Variants in DDX46 observed in about 807,000 individuals in gnomAD.
DDX46 encodes the protein probable ATP-dependent RNA helicase DDX46.
Under a neutral mutation model 134.9 loss-of-function variants are expected in DDX46, and 30 were observed. That is an observed-to-expected ratio of 0.22 (90% CI 0.17 to 0.30). DDX46 has a LOEUF of 0.30. Ranked by LOEUF, DDX46 falls within the 10% of genes least tolerant of loss-of-function variation. The pLI is 1.00. For missense variants in DDX46, 622 were observed against 1,248.7 expected, an observed-to-expected ratio of 0.50 and a Z score of 7.56; for synonymous variants, 415 against 404.1, an observed-to-expected ratio of 1.03 and a Z score of -0.32.
At chr5:134,772,899 CGAA>C (rs1460698672) in intron 4 of DDX46, among the ~76,000 whole-genome samples, 2 of 152,020 alleles carry the variant, frequency 1.3e-5, no homozygotes, top group Non-Finnish European at 2.9e-5. Flanking sequence ...CCTCCTGAGT[CGAA>C]GCAATTCTCC....
At chr5:134,797,626 G>C (rs559685484) in intron 15 of DDX46, among the ~76,000 whole-genome samples, 25 of 152,282 alleles carry the variant, frequency 1.6e-4, no homozygotes, top group African/African-American at 5.1e-4. Context: ...CACTGGCCCA[G>C]ATTCAAGGGG....
At chr5:134,813,320 T>G (rs1296182791) in intron 18 of DDX46, among the ~76,000 whole-genome samples, 1 of 152,240 alleles carries the variant, frequency 6.6e-6, no homozygotes, top group East Asian at 1.9e-4. Flanking sequence ...ACACTTATTA[T>G]CACATAGTTC....
intron 5 of DDX46, 73 bp from the exon 6 acceptor site, chr5:134,777,501 T>G (rs1580783138): frequency 2.0e-6 from 3 of 1,537,024 alleles, no homozygotes; most frequent in Non-Finnish European, 2.6e-6. Flanking sequence ...GTTAGAGAGG[T>G]GGGGTGTGGT....
At chr5:134,816,717 G>A (rs930784952) in intron 19 of DDX46, 111 bp downstream of exon 19, 1 of 1,102,482 alleles carries the variant, frequency 9.1e-7, no homozygotes, top group Non-Finnish European at 1.3e-6. Flanking sequence ...CATTGAGTTT[G>A]TGAGAATTTA....
At chr5:134,800,411 T>A (rs557009906) in intron 15 of DDX46, among the ~76,000 whole-genome samples, 137 of 152,336 alleles carry the variant, frequency 9.0e-4, no homozygotes, top group African/African-American at 3.2e-3. Flanking sequence ...TATCAGTAGT[T>A]CTTCCCCTTT....
chr5:134,788,433 A>G, intron 11 of DDX46, 80 bp from the exon 12 acceptor site: 1 of 1,173,510 alleles, frequency 8.5e-7, no homozygotes, highest in Non-Finnish European at 1.2e-6. Flanking sequence ...TAATTAGACT[A>G]GGCAAGAACT....
chr5:134,766,233 T>C (rs1242750179), intron 2 of DDX46, among the ~76,000 whole-genome samples: 2 of 152,162 alleles, frequency 1.3e-5, no homozygotes, highest in Admixed American at 6.6e-5. Context: ...TACAGACTTA[T>C]TATGGTTTTT....
chr5:134,817,580 C>A lies in DDX46; in HGVS notation c.2698C>A (p.Gln900Lys). 1 of 1,614,134 alleles carries A rather than the reference C, an allele frequency of 6.2e-7. No homozygotes were observed. The highest frequency in any genetic ancestry group is 8.5e-7 in the Non-Finnish European group (1 of 1,180,032). Residue 900 changes from glutamine (Q) to lysine (K), a missense_variant, in exon 20 of 23, where the codon CAA becomes AAA. By Grantham distance (53) the Gln-to-Lys change is moderately conservative. Coordinates refer to ENST00000452510, the MANE Select transcript of DDX46 (RefSeq NM_001300860.2). ...PTVSAKTIAE[Q>K]LAEKINAKLN... ...TGTTTCTGCAAAAACCATTGCAGAA[C>A]AACTTGCTGAAAAGATCAATGCCAA...
chr5:134,763,467 T>C (rs1753459385), intron 1 of DDX46, among the ~76,000 whole-genome samples: 1 of 152,210 alleles, frequency 6.6e-6, no homozygotes, highest in South Asian at 2.1e-4. Flanking sequence ...TCAAGCTTCC[T>C]CTTTAGGGAC....
At position 134,759,643 on chromosome 5, in the gene DDX46, G is replaced by C. The variant is rs185557549; in HGVS notation, c.17+688G>C. Among the ~76,000 whole-genome samples the C allele has an allele frequency of 2.7e-4, 41 of 152,232 alleles. No homozygotes were observed. In the East Asian group the frequency reaches 7.7e-3, roughly 29 times the overall value. ...ATTTTTATGTTAAAAATGACTATTT[G>C]CTATGTATTTAGCAATGACTGAAAG... On this transcript the variant is annotated intron_variant, in intron 1 of 22. Coordinates refer to ENST00000452510, the MANE Select transcript of DDX46 (RefSeq NM_001300860.2).
chr5:134,767,079 T>C lies in DDX46; in HGVS notation c.350+19T>C. ...AGAATAGGTAATGTTATCATTGGGC[T>C]GCATCTATAGTGCAGACTGGGGACT... On this transcript the variant is annotated intron_variant, in intron 3 of 22. Transcript: ENST00000452510. The C allele has an allele frequency of 6.2e-7, 1 of 1,607,770 alleles. No individual in the cohort carries two copies. The highest frequency in any genetic ancestry group is 8.5e-7 in the Non-Finnish European group (1 of 1,178,066).
At chr5:134,787,889 G>C (rs896345210) in intron 11 of DDX46, among the ~76,000 whole-genome samples, 5 of 151,560 alleles carry the variant, frequency 3.3e-5, no homozygotes, top group Non-Finnish European at 7.4e-5. Flanking sequence ...CCTAGATACT[G>C]GGAGGGTGTG....
At chr5:134,767,208 T>A in intron 3 of DDX46, 148 bp downstream of exon 3, 1 of 940,118 alleles carries the variant, frequency 1.1e-6, no homozygotes, top group Non-Finnish European at 1.5e-6. Flanking sequence ...TGTTTTATTT[T>A]AATTGGCTAT....
chr5:134,819,917 G>C (rs1755395166), intron 21 of DDX46, among the ~76,000 whole-genome samples: 1 of 151,892 alleles, frequency 6.6e-6, no homozygotes, highest in African/African-American at 2.4e-5. Flanking sequence ...TTTTTGTTTT[G>C]TTTTGTTTTG....
At chr5:134,780,210 A>G (rs1181692796) in intron 6 of DDX46, among the ~76,000 whole-genome samples, 1 of 150,376 alleles carries the variant, frequency 6.6e-6, no homozygotes, top group Non-Finnish European at 1.5e-5. Flanking sequence ...GTATGTGTAT[A>G]TGTGTGTATA....
chr5:134,782,143 A>C, intron 8 of DDX46, 57 bp downstream of exon 8: 7 of 1,456,918 alleles, frequency 4.8e-6, no homozygotes, highest in Non-Finnish European at 6.4e-6. Context: ...GATACATTTC[A>C]CATTGCTCAA....
intron 4 of DDX46, 48 bp downstream of exon 4, chr5:134,771,047 T>C: frequency 1.3e-6 from 1 of 782,294 alleles, no homozygotes; most frequent in Non-Finnish European, 2.1e-6. Context: ...TTTTTGTCTT[T>C]CTTTCTTTCT....
intron 14 of DDX46, 124 bp from the exon 15 acceptor site, chr5:134,795,864 T>C: frequency 1.1e-6 from 1 of 904,894 alleles, no homozygotes; most frequent in Non-Finnish European, 1.6e-6. Flanking sequence ...AACATCTTCC[T>C]AGCCCTTGGT....
At chr5:134,773,354 TTTGC>T (rs1276491850) in intron 4 of DDX46, among the ~76,000 whole-genome samples, 1 of 151,958 alleles carries the variant, frequency 6.6e-6, no homozygotes, top group Admixed American at 6.6e-5. Context: ...ACTGGGAAAC[TTTGC>T]TTGCTAATTA....
Sources: allele counts gnomAD v4.1 joint callset (sites outside exome capture counted in the v4.1 genomes callset), GRCh38; gene constraint gnomAD v4.1.1; transcripts MANE v1.5; gene names NCBI Gene and HGNC (gene_info 2026-07-23, HGNC 2026-07-21).